The following TRIM37 variants were observed in gnomAD, a reference collection of about 807,000 sequenced individuals.
TRIM37 encodes the protein tripartite motif containing 37, also known as E3 ubiquitin-protein ligase TRIM37.
Under a neutral mutation model 129.8 loss-of-function variants are expected in TRIM37, and 80 were observed. The observed-to-expected ratio is 0.62, with a 90% CI of 0.51 to 0.74. The LOEUF (loss-of-function observed/expected upper bound fraction) is 0.74. Among genes scored for constraint, TRIM37 ranks in the 30% least tolerant of loss-of-function variants. The probability of loss-of-function intolerance (pLI) is 0.00; values close to 1 mark genes in which losing one functional copy is unlikely to be tolerated. For synonymous variants in TRIM37, 389 were observed against 387.1 expected (o/e 1.00, Z -0.06); for missense variants, 1,054 against 1,176.5 (o/e 0.90, Z 1.52).
chr17:59,057,124 A>G lies in TRIM37; in HGVS notation c.1020-70T>C, dbSNP rs955281778. On this transcript the variant is annotated intron_variant, in intron 12 of 23. Transcript: ENST00000262294. The stretch of plus-strand genomic sequence containing the variant: ...GAATAAAAAACAAACTCATCTAAAC[A>G]TTAAGGTCACTAAGTAATTACCTGA... 38 of 1,350,802 alleles carry G rather than the reference A, an allele frequency of 2.8e-5. No individual in the cohort carries two copies. The Middle Eastern group carries it at 7.9e-4, about 28-fold the overall frequency. The allele number at this position is 1,350,802 out of a possible 1,614,324, so 83.7% of individuals were successfully genotyped here.
At chr17:58,992,578 C>T (rs1395337642) in intron 24 of TRIM37, among the ~76,000 whole-genome samples, 4 of 151,962 alleles carry the variant, frequency 2.6e-5, no homozygotes, top group Non-Finnish European at 4.4e-5. Context: ...TAGGGTTTCT[C>T]CATGTTGGTC....
downstream of TRIM37, chr17:58,980,378 G>C (rs760128692): frequency 1.2e-6 from 2 of 1,614,136 alleles, no homozygotes; most frequent in South Asian, 1.1e-5. This position sits in a 1 kb window ranked among gnomAD's most constrained non-coding sequence, Gnocchi z 4.7. Flanking sequence ...AGCACCAGCC[G>C]ACCTAGGCTA....
intron 13 of TRIM37, among the ~76,000 whole-genome samples, chr17:59,055,524 C>A (rs150102853): frequency 0.016 from 2,428 of 151,220 alleles, 56 homozygotes; most frequent in African/African-American, 0.055. Context: ...GGAACCCCAT[C>A]TCTACTAAAA....
At chr17:59,016,132 G>A (rs2035900094) in intron 20 of TRIM37, among the ~76,000 whole-genome samples, 1 of 151,938 alleles carries the variant, frequency 6.6e-6, no homozygotes, top group African/African-American at 2.4e-5. Context: ...GGTGGCTCAT[G>A]CCTGTAATCC....
chr17:59,049,457 A>G, intron 14 of TRIM37, 64 bp from the exon 15 acceptor site: 1 of 1,391,792 alleles, frequency 7.2e-7, no homozygotes, highest in Non-Finnish European at 1.0e-6. Flanking sequence ...AGATGTCTCA[A>G]GTGAAAAAAA....
At chr17:59,095,122 GT>G (rs2044731854) in intron 2 of TRIM37, among the ~76,000 whole-genome samples, 1 of 152,118 alleles carries the variant, frequency 6.6e-6, no homozygotes, top group South Asian at 2.1e-4. Context: ...GGAGGCTGAG[GT>G]GGGAGGATCA....
At chr17:58,993,187 T>C (rs868225316) in intron 24 of TRIM37, among the ~76,000 whole-genome samples, 3 of 152,188 alleles carry the variant, frequency 2.0e-5, no homozygotes, top group African/African-American at 4.8e-5. Flanking sequence ...CTTTTACCTT[T>C]TGCCATGATT....
At chr17:58,968,991 ATT>A in the TRIM37 span, among the ~76,000 whole-genome samples, 25 of 152,348 alleles carry the variant, frequency 1.6e-4, no homozygotes, top group African/African-American at 6.0e-4. Context: ...ACTGGGAATG[ATT>A]TATGAAGAAG....
chr17:59,083,953 T>C (rs1338413795), intron 5 of TRIM37, 49 bp downstream of exon 5: 1 of 1,438,906 alleles, frequency 6.9e-7, no homozygotes, highest in South Asian at 1.1e-5. Flanking sequence ...AGTATTTCAG[T>C]GCCTTCTAGC....
intron 11 of TRIM37, 146 bp from the exon 12 acceptor site, chr17:59,061,254 T>G: frequency 1.5e-6 from 1 of 687,836 alleles, no homozygotes; most frequent in South Asian, 1.7e-5. Context: ...AGATTTGAGT[T>G]CTTAACAACT....
At chr17:59,003,471 A>G (rs2034049963) in intron 22 of TRIM37, among the ~76,000 whole-genome samples, 1 of 152,092 alleles carries the variant, frequency 6.6e-6, no homozygotes, top group East Asian at 1.9e-4. Context: ...AGCACATTCC[A>G]CTCTATCTTT....
the TRIM37 span, among the ~76,000 whole-genome samples, chr17:58,968,394 T>C: frequency 2.0e-5 from 3 of 152,282 alleles, no homozygotes; most frequent in South Asian, 6.2e-4. Flanking sequence ...CACTGTACCC[T>C]AGCCTGGGTG....
At chr17:58,984,376 A>G (rs1324431739) in intron 24 of TRIM37, 2 of 152,632 alleles carry the variant, frequency 1.3e-5, no homozygotes, top group Non-Finnish European at 2.9e-5. Context: ...TTACAGATAA[A>G]ACTGCTGTGG....
downstream of TRIM37, chr17:58,980,830 A>C: frequency 6.2e-7 from 1 of 1,614,088 alleles, no homozygotes; most frequent in Non-Finnish European, 8.5e-7. The surrounding 1 kb of genome is among the most constrained non-coding windows in gnomAD (Gnocchi z 4.7). Context: ...AGTTTTATTC[A>C]TTTCTCTCTG....
intron 12 of TRIM37, among the ~76,000 whole-genome samples, chr17:59,058,577 G>T (rs2041185465): frequency 6.6e-6 from 1 of 152,178 alleles, no homozygotes; most frequent in Non-Finnish European, 1.5e-5. Flanking sequence ...AAATAAGTAA[G>T]CTGGACACAG....
At chr17:58,980,486 A>G (rs774553877), downstream of TRIM37, 8 of 1,614,104 alleles carry the variant, frequency 5.0e-6, no homozygotes, top group Admixed American at 1.3e-4. The surrounding 1 kb of genome is among the most constrained non-coding windows in gnomAD (Gnocchi z 4.7). Context: ...TCTCACACAA[A>G]TAGAAGCAAG....
At position 58,998,719 on chromosome 17, in the gene TRIM37, T is replaced by C. The variant is rs553012670; in HGVS notation, c.*658A>G. On this transcript the variant is annotated 3_prime_UTR_variant, in exon 24 of 24. Transcript: ENST00000262294. ...CAGGGCCAGGAACGTAATGAATCCA[T>C]GTTAACTTAATTTCATTTAAAATTA... 2.6e-4 allele frequency: 259 copies of C among 985,710 alleles called. 1 individual carries two copies. The South Asian group carries it at 0.01, about 38-fold the overall frequency. 61.1% of individuals were successfully genotyped at this position (985,710 alleles called of 1,614,324 possible).
Position 58,998,456 on chromosome 17 carries a change from GT to G in TRIM37, c.*920del. Reference sequence around the variant, plus strand: ...ACAAATGCAGGAGCACAATGGCAAAGTTTGGCAACTGTTTTGGGCTAATTAT... The same window carrying G: ...ACAAATGCAGGAGCACAATGGCAAAGTTGGCAACTGTTTTGGGCTAATTAT... On this transcript the variant is annotated 3_prime_UTR_variant, in exon 24 of 24. Transcript: ENST00000262294. 7 of 985,410 alleles carry G rather than the reference GT, an allele frequency of 7.1e-6. No homozygotes were observed. Among genetic ancestry groups the G allele is most frequent in the Non-Finnish European group, 8.4e-6 (7 of 829,934 alleles). 61.0% of individuals were successfully genotyped at this position (985,410 alleles called of 1,614,324 possible).
intron 13 of TRIM37, among the ~76,000 whole-genome samples, chr17:59,052,780 C>A (rs1213721812): frequency 1.3e-5 from 2 of 151,984 alleles, no homozygotes; most frequent in African/African-American, 2.4e-5. Context: ...CATGGTGAAA[C>A]CCCGTCTCTA....
Sources: gnomAD v4.1 joint callset for allele counts (sites outside exome capture counted in the v4.1 genomes callset) on GRCh38, gnomAD v4.1.1 for gene constraint, Gnocchi (gnomAD v3.1) non-coding constraint, MANE v1.5 for transcripts, NCBI Gene and HGNC (gene_info 2026-07-23, HGNC 2026-07-21) for gene names.